Variants in TRABD2B observed in about 807,000 individuals in gnomAD.
TRABD2B encodes TraB domain containing 2B, also known as metalloprotease TIKI2.
TRABD2B carries 14 observed loss-of-function variants against 40.1 expected under a neutral mutation model. The ratio of observed to expected loss-of-function variants is 0.35; its 90% confidence interval spans 0.23 to 0.55. TRABD2B has a LOEUF of 0.55. TRABD2B is among the 20% of genes least tolerant of loss of function. The pLI, the probability that TRABD2B is intolerant of heterozygous loss-of-function variation, is 0.90. For synonymous variants in TRABD2B, 263 were observed against 277.0 expected (o/e 0.95, Z 0.50); for missense variants, 541 against 648.6 (o/e 0.83, Z 1.80).
intron 2 of TRABD2B, among the ~76,000 whole-genome samples, chr1:47,933,285 T>A (rs1305579913): frequency 6.6e-6 from 1 of 150,796 alleles, no homozygotes; most frequent in African/African-American, 2.5e-5. Flanking sequence ...TTTTTTTTTG[T>A]ATTTTTTTAG....
chr1:47,841,029 C>T (rs1645389471), intron 2 of TRABD2B, among the ~76,000 whole-genome samples: 1 of 152,150 alleles, frequency 6.6e-6, no homozygotes, highest in South Asian at 2.1e-4. Context: ...GCGTGGAGTG[C>T]TTGGTGACCT....
intron 2 of TRABD2B, among the ~76,000 whole-genome samples, chr1:47,868,071 T>C (rs192390850): frequency 1.3e-5 from 2 of 152,326 alleles, no homozygotes; most frequent in Non-Finnish European, 1.5e-5. Flanking sequence ...CTTGAATTCC[T>C]ACCTAATGTG....
At chr1:47,841,159 G>T (rs772607045) in intron 2 of TRABD2B, among the ~76,000 whole-genome samples, 8 of 152,172 alleles carry the variant, frequency 5.3e-5, no homozygotes, top group Non-Finnish European at 1.0e-4. Context: ...CTCTCTCTGT[G>T]ACTCTCTCTC....
At chr1:47,990,983 C>G (rs1646003005) in intron 2 of TRABD2B, among the ~76,000 whole-genome samples, 1 of 151,242 alleles carries the variant, frequency 6.6e-6, no homozygotes, top group Admixed American at 6.6e-5. Context: ...GGAAATATCT[C>G]TACAAGTATA....
intron 2 of TRABD2B, among the ~76,000 whole-genome samples, chr1:47,987,014 G>A (rs1447359198): frequency 1.3e-5 from 2 of 152,202 alleles, no homozygotes; most frequent in South Asian, 2.1e-4. Flanking sequence ...CTGGCAGGCT[G>A]TGGCGCTCAC....
chr1:47,836,041 G>A (rs141258709), intron 2 of TRABD2B, among the ~76,000 whole-genome samples: 22 of 152,170 alleles, frequency 1.4e-4, no homozygotes, highest in Non-Finnish European at 2.8e-4. Flanking sequence ...GAGGAGGGAG[G>A]AAAAGGAGCT....
chr1:47,962,171 C>G (rs1645528068), intron 2 of TRABD2B, among the ~76,000 whole-genome samples: 1 of 147,814 alleles, frequency 6.8e-6, no homozygotes, highest in African/African-American at 2.5e-5. Flanking sequence ...AATGAGAACA[C>G]TTGGACACGG....
At chr1:47,868,044 T>A (rs1308458613) in intron 2 of TRABD2B, among the ~76,000 whole-genome samples, 4 of 152,154 alleles carry the variant, frequency 2.6e-5, no homozygotes, top group Non-Finnish European at 4.4e-5. Flanking sequence ...AAAAACACCG[T>A]CTCCTTGTTT....
chr1:47,782,851 C>T (rs78140509), intron 4 of TRABD2B, among the ~76,000 whole-genome samples: 2,304 of 152,310 alleles, frequency 0.015, 85 homozygotes, highest in Admixed American at 0.088. Flanking sequence ...CAAAGGGGCC[C>T]CACGATGTTG....
At chr1:47,980,967 G>A (rs1040341802) in intron 2 of TRABD2B, among the ~76,000 whole-genome samples, 2 of 152,060 alleles carry the variant, frequency 1.3e-5, no homozygotes, top group African/African-American at 4.8e-5. Context: ...TCTACTCTCA[G>A]ATTCCAGCTC....
chr1:47,915,221 G>A (rs996307595), intron 2 of TRABD2B, among the ~76,000 whole-genome samples: 2 of 152,190 alleles, frequency 1.3e-5, no homozygotes, highest in African/African-American at 4.8e-5. Context: ...GCAGGGAGGT[G>A]CAAGAGAGGG....
chr1:47,869,085 C>T (rs552558470), intron 2 of TRABD2B, among the ~76,000 whole-genome samples: 3 of 152,198 alleles, frequency 2.0e-5, no homozygotes, highest in Non-Finnish European at 4.4e-5. Flanking sequence ...TATGCTCATC[C>T]TCTACCTGTG....
At chr1:47,886,107 C>T (rs1487887667) in intron 2 of TRABD2B, among the ~76,000 whole-genome samples, 2 of 152,126 alleles carry the variant, frequency 1.3e-5, no homozygotes, top group Admixed American at 6.5e-5. Flanking sequence ...AAGGATTCAT[C>T]CTCAGGTACA....
chr1:47,854,472 G>A (rs1375411051), intron 2 of TRABD2B, among the ~76,000 whole-genome samples: 6 of 152,150 alleles, frequency 3.9e-5, no homozygotes, highest in African/African-American at 1.4e-4. Context: ...GATGTAACTG[G>A]AGCACAAATG....
intron 2 of TRABD2B, among the ~76,000 whole-genome samples, chr1:47,862,127 C>G (rs557532742): frequency 6.6e-6 from 1 of 152,300 alleles, no homozygotes; most frequent in East Asian, 1.9e-4. Context: ...AGAAAACCTA[C>G]AGTTAACATC....
chr1:47,960,715 C>T lies in TRABD2B; in HGVS notation c.666+33319G>A, dbSNP rs954426537. Among the ~76,000 whole-genome samples the T allele has an allele frequency of 2.0e-3, 298 of 152,170 alleles. 3 individuals carry two copies. The highest frequency in any genetic ancestry group is 2.6e-3 in the Non-Finnish European group (174 of 68,002). On this transcript the variant is annotated intron_variant, in intron 2 of 6. Coordinates refer to ENST00000606738, the MANE Select transcript of TRABD2B (RefSeq NM_001194986.2). ...CACTGCTCAAGGAAATAAAAGAGGA[C>T]CCAAACAAACAGAAGAACATTCCAC...
chr1:47,898,811 A>T (rs1295183452), intron 2 of TRABD2B, among the ~76,000 whole-genome samples: 1 of 152,218 alleles, frequency 6.6e-6, no homozygotes, highest in Non-Finnish European at 1.5e-5. Context: ...GCCATCTAAC[A>T]TCCAAAAAAT....
intron 2 of TRABD2B, among the ~76,000 whole-genome samples, chr1:47,905,223 G>A (rs1172168532): frequency 6.6e-6 from 1 of 152,254 alleles, no homozygotes; most frequent in Non-Finnish European, 1.5e-5. Flanking sequence ...AGGGGAGCAG[G>A]TTCTCAATAA....
At chr1:47,834,777 C>A (rs568232968) in intron 2 of TRABD2B, among the ~76,000 whole-genome samples, 29 of 152,246 alleles carry the variant, frequency 1.9e-4, no homozygotes, top group African/African-American at 7.0e-4. Context: ...ACAGCAAAGG[C>A]AACAACAAAT....
Sources: allele counts gnomAD v4.1 joint callset (sites outside exome capture counted in the v4.1 genomes callset), GRCh38; gene constraint gnomAD v4.1.1; transcripts MANE v1.5; gene names NCBI Gene and HGNC (gene_info 2026-07-23, HGNC 2026-07-21).